Variants in POTEE observed in about 807,000 individuals in gnomAD.
POTEE encodes the protein POTE ankyrin domain family member E, also known as ANKRD26-like family C member 1A.
A neutral mutation model predicts 74.2 loss-of-function variants in POTEE; 21 were observed. The observed-to-expected ratio is 0.28, with a 90% confidence interval of 0.20 to 0.41. The LOEUF is 0.41. Among genes scored for constraint, POTEE ranks in the 10% least tolerant of loss-of-function variants. POTEE has a pLI of 1.00. For synonymous variants in POTEE, 211 were observed against 432.8 expected (o/e 0.49, Z 6.36); for missense variants, 525 against 1,158.6 (o/e 0.45, Z 7.94).
chr2:131,262,421 C>T (rs1476403542), intron 17 of POTEE, among the ~76,000 whole-genome samples: 12 of 126,848 alleles, frequency 9.5e-5, no homozygotes, highest in African/African-American at 2.8e-4. Flanking sequence ...CAGTATATTT[C>T]CCCTATTTCA....
chr2:131,210,760 TG>T (rs1700340079), intron 1 of POTEE, among the ~76,000 whole-genome samples: 1 of 148,316 alleles, frequency 6.7e-6, no homozygotes, highest in African/African-American at 2.5e-5. Flanking sequence ...TGGGGAGGGC[TG>T]GCTGGGTCTG....
Sources: gnomAD v4.1 joint callset for allele counts (sites outside exome capture counted in the v4.1 genomes callset) on GRCh38, gnomAD v4.1.1 for gene constraint, MANE v1.5 for transcripts, NCBI Gene and HGNC (gene_info 2026-07-23, HGNC 2026-07-21) for gene names.